The following HDLBP variants were observed in gnomAD, a reference collection of about 807,000 sequenced individuals.
HDLBP encodes the protein vigilin.
In HDLBP, 30 loss-of-function variants were observed where a neutral mutation model predicts 137.3. That is an observed-to-expected ratio of 0.22 (90% confidence interval 0.16 to 0.30). HDLBP has a LOEUF of 0.30. Among genes scored for constraint, HDLBP ranks in the 10% least tolerant of loss-of-function variants. The pLI is 1.00. For missense variants in HDLBP, 1,119 were observed against 1,667.3 expected (o/e 0.67, Z 5.73); for synonymous variants, 606 against 596.0 (o/e 1.02, Z -0.24).
chr2:241,302,079 C>G, intron 1 of HDLBP, among the ~76,000 whole-genome samples: 1 of 145,394 alleles, frequency 6.9e-6, no homozygotes, highest in East Asian at 2.0e-4. Context: ...CCCACAACTC[C>G]CATCTCTACA....
At chr2:241,264,946 CG>C (rs1356271424) in intron 3 of HDLBP, among the ~76,000 whole-genome samples, 1 of 152,166 alleles carries the variant, frequency 6.6e-6, no homozygotes, top group African/African-American at 2.4e-5. Flanking sequence ...AGCCTTGCTA[CG>C]TCAATTTTTA....
Position 241,264,648 on chromosome 2 carries a change from C to T in HDLBP, c.77-43G>A, listed in dbSNP as rs370721728. The T allele has an allele frequency of 6.9e-6, 11 of 1,583,252 alleles. No homozygotes were observed. The East Asian group carries it at 2.3e-4, about 32-fold the overall frequency. On this transcript the variant is annotated intron_variant, in intron 3 of 27. Transcript: ENST00000310931. ...GATTAAAAGGAAGCACTACTTTTAG[C>T]ATTACATGAAAAACACTTTTAAGGG...
chr2:241,258,696 G>GA (rs551608145), intron 5 of HDLBP, among the ~76,000 whole-genome samples: 40 of 152,294 alleles, frequency 2.6e-4, no homozygotes, highest in African/African-American at 9.1e-4. Flanking sequence ...ACCTGATAGT[G>GA]AAAAAACTTT....
chr2:241,272,519 C>T lies in HDLBP; in HGVS notation c.-102-3978G>A. The stretch of plus-strand genomic sequence containing the variant: ...AGTTTGTGCGCGCCCCTCCGCGCCA[C>T]GGCCACGCGCAGAAGAGACTCGGAG... On this transcript the variant is annotated intron_variant, in intron 1 of 27. Coordinates refer to ENST00000310931, the MANE Select transcript of HDLBP (RefSeq NM_005336.6). The surrounding 1 kb of genome is among the most constrained non-coding windows in gnomAD (Gnocchi z 5.6). 1.0e-5 allele frequency: 10 copies of T among 984,634 alleles called. No homozygotes were observed. Among genetic ancestry groups the T allele is most frequent in the Non-Finnish European group, 1.2e-5 (10 of 829,692 alleles). The allele number at this position is 984,634 out of a possible 1,614,324, so 61.0% of individuals were successfully genotyped here. A position where few individuals can be genotyped will look rare whatever the true frequency, so the allele number is the denominator to read the frequency against.
At position 241,272,950 on chromosome 2, in the gene HDLBP, C is replaced by T. The variant is rs1427700734; in HGVS notation, c.-102-4409G>A. 4.4e-6 allele frequency: 4 copies of T among 911,732 alleles called. No individual in the cohort carries two copies. Among genetic ancestry groups the T allele is most frequent in the African/African-American group, 1.8e-5 (1 of 55,730 alleles). The allele number at this position is 911,732 out of a possible 1,614,324, so 56.5% of individuals were successfully genotyped here. ...CCGCCGCCCCGGGCCGCCCAGCACC[C>T]GGGAGGCCCACCCAACTGCAGGCGT... On this transcript the variant is annotated intron_variant, in intron 1 of 27. Transcript: ENST00000310931. This position sits in a 1 kb window ranked among gnomAD's most constrained non-coding sequence, Gnocchi z 5.6.
At chr2:241,290,249 A>G (rs1180081492) in intron 1 of HDLBP, among the ~76,000 whole-genome samples, 1 of 152,200 alleles carries the variant, frequency 6.6e-6, no homozygotes, top group African/African-American at 2.4e-5. Context: ...AAGAAGGGAC[A>G]GGGGACAGGG....
At position 241,255,440 on chromosome 2, in the gene HDLBP, A is replaced by C; in HGVS notation, c.1014T>G (p.Ser338=). 1 of 1,614,226 alleles carries C rather than the reference A, an allele frequency of 6.2e-7. No homozygotes were observed. Among genetic ancestry groups the C allele is most frequent in the South Asian group, 1.1e-5 (1 of 91,090 alleles). ...SVEIPPSDSI[S]ETVILRGEPE... The stretch of plus-strand genomic sequence containing the variant: ...GTTCGCCTCGAAGTATTACAGTCTC[A>C]GAGATGCTGTCTGAGGGTGGGATCT... Residue 338 remains serine (S), a synonymous_variant, in exon 8 of 28, where the codon TCT becomes TCG. Transcript: ENST00000310931.
At chr2:241,287,585 A>G (rs1212856003) in intron 1 of HDLBP, among the ~76,000 whole-genome samples, 1 of 151,830 alleles carries the variant, frequency 6.6e-6, no homozygotes, top group Non-Finnish European at 1.5e-5. Context: ...ATGCCTGGCT[A>G]ATTTTTGTAT....
chr2:241,264,471 T>C lies in HDLBP; in HGVS notation c.211A>G (p.Ile71Val), dbSNP rs763024592. 6.2e-7 allele frequency: 1 copy of C among 1,612,986 alleles called. No individual in the cohort carries two copies. The highest frequency in any genetic ancestry group is 8.5e-7 in the Non-Finnish European group (1 of 1,179,210). The change falls in exon 4 of 28, where the codon ATC becomes GTC. Residue 71 changes from isoleucine to valine, a missense_variant. By Grantham distance (29) the Ile-to-Val change is conservative (BLOSUM62 3). This residue lies in a region of HDLBP where 59 missense variants were observed against 92.4 expected (regional missense o/e 0.64). Coordinates refer to ENST00000310931, the MANE Select transcript of HDLBP (RefSeq NM_005336.6). ...AGAWGNKIRP[I>V]KASVITQVFH... ...ACCTGAGTGATGACAGAAGCCTTGA[T>C]GGGTCGGATCTTGTTCCCCCAGGCT...
At position 241,249,837 on chromosome 2, in the gene HDLBP, T is replaced by C; in HGVS notation, c.1512+4A>G. 6.2e-7 allele frequency: 1 copy of C among 1,600,812 alleles called. No homozygotes were observed. The highest frequency in any genetic ancestry group is 1.1e-5 in the South Asian group (1 of 88,832). ...TTTCTAGAGGGCCCAGCCATGGCAC[T>C]TACCATGCGAGATGCAAGCTCCAGC... On this transcript the variant is annotated splice_donor_region_variant and intron_variant, in intron 12 of 27. Coordinates refer to ENST00000310931, the MANE Select transcript of HDLBP (RefSeq NM_005336.6).
At chr2:241,268,645 T>A in intron 1 of HDLBP, 104 bp from the exon 2 acceptor site, 1 of 297,012 alleles carries the variant, frequency 3.4e-6, no homozygotes, top group Non-Finnish European at 5.0e-6. Flanking sequence ...TCAGAAAAGG[T>A]CAAGATATTT....
chr2:241,251,286 C>T (rs531858239), intron 11 of HDLBP, among the ~76,000 whole-genome samples: 1 of 152,192 alleles, frequency 6.6e-6, no homozygotes, highest in African/African-American at 2.4e-5. Flanking sequence ...TAACCAAAAC[C>T]AAAACAAAAC....
chr2:241,273,399 T>C (rs1027250567), intron 1 of HDLBP, among the ~76,000 whole-genome samples: 2 of 152,252 alleles, frequency 1.3e-5, no homozygotes, highest in Middle Eastern at 3.4e-3. Flanking sequence ...GTATTACTTA[T>C]GGCTCCATCT....
chr2:241,294,608 G>A (rs1463878768), intron 1 of HDLBP, among the ~76,000 whole-genome samples: 5 of 151,946 alleles, frequency 3.3e-5, no homozygotes, highest in Non-Finnish European at 7.4e-5. Context: ...CTACAGGTGC[G>A]TACACCATGC....
At chr2:241,263,350 C>G (rs1304741505) in intron 4 of HDLBP, among the ~76,000 whole-genome samples, 1 of 152,180 alleles carries the variant, frequency 6.6e-6, no homozygotes, top group Non-Finnish European at 1.5e-5. Flanking sequence ...GGTGCACACA[C>G]CAGAGGGGGA....
At chr2:241,284,027 GAAAA>G (rs57210051) in intron 1 of HDLBP, among the ~76,000 whole-genome samples, 1 of 148,102 alleles carries the variant, frequency 6.8e-6, no homozygotes, top group African/African-American at 2.5e-5. Flanking sequence ...CTACTGCCCA[GAAAA>G]AAAAAAAAGA....
In HDLBP at chr2:241,229,398, G is replaced by A. The variant is rs916439537; in HGVS notation, c.*203C>T. The A allele has an allele frequency of 9.5e-6, 5 of 527,984 alleles. No homozygotes were observed. The highest frequency in any genetic ancestry group is 3.2e-5 in the Admixed American group (1 of 31,050). 32.7% of individuals were successfully genotyped at this position (527,984 alleles called of 1,614,324 possible). On this transcript the variant is annotated 3_prime_UTR_variant, in exon 28 of 28. Transcript: ENST00000310931. Reference sequence around the variant, plus strand: ...TGACCTTGGTTTAGTGTTAAACAGTGGAGCAGGTCCTGAGCGGGCACGGCC... The same window carrying A: ...TGACCTTGGTTTAGTGTTAAACAGTAGAGCAGGTCCTGAGCGGGCACGGCC...
chr2:241,243,567 G>T (rs920668986), intron 16 of HDLBP: 1 of 153,116 alleles, frequency 6.5e-6, no homozygotes, highest in Non-Finnish European at 1.5e-5. Context: ...CAGTCACCAG[G>T]AAACAGTGCC....
chr2:241,252,375 A>C (rs1273233204), intron 11 of HDLBP, among the ~76,000 whole-genome samples: 4 of 151,962 alleles, frequency 2.6e-5, no homozygotes, highest in Non-Finnish European at 5.9e-5. Context: ...GGTGGCATGC[A>C]CCTGTAGTCC....
Sources: allele counts gnomAD v4.1 joint callset (sites outside exome capture counted in the v4.1 genomes callset), GRCh38; gene constraint gnomAD v4.1.1; regional missense constraint gnomAD v4.1.1; non-coding constraint Gnocchi (gnomAD v3.1); transcripts MANE v1.5; gene names NCBI Gene and HGNC (gene_info 2026-07-23, HGNC 2026-07-21).